The following FAM149A variants were observed in gnomAD, a reference collection of about 807,000 sequenced individuals.
FAM149A encodes the protein protein FAM149A.
In FAM149A, 71 loss-of-function variants were observed where a neutral mutation model predicts 78.2. The observed-to-expected ratio is 0.91, with a 90% CI of 0.75 to 1.11. FAM149A has a LOEUF of 1.11. FAM149A is among the 50% of genes least tolerant of loss of function. The pLI, the probability that FAM149A is intolerant of heterozygous loss-of-function variation, is 0.00. For synonymous variants in FAM149A, 446 were observed against 410.5 expected, an observed-to-expected ratio of 1.09 and a Z score of -1.04; for missense variants, 1,036 against 971.0, an observed-to-expected ratio of 1.07 and a Z score of -0.89.
In FAM149A at chr4:186,154,658, A is replaced by G; in HGVS notation, c.1229+20A>G. 6.3e-7 allele frequency: 1 copy of G among 1,595,670 alleles called. No homozygotes were observed. Among genetic ancestry groups the G allele is most frequent in the Non-Finnish European group, 8.6e-7 (1 of 1,167,526 alleles). ...AGAGGAGTAAATAGAATCTTATTTG[A>G]CATTGACCTCATAAAATAATATTAA... On this transcript the variant is annotated intron_variant, in intron 6 of 13. Transcript: ENST00000389354.
At chr4:186,125,376 A>T in intron 1 of FAM149A, 1 of 972,612 alleles carries the variant, frequency 1.0e-6, no homozygotes, top group Non-Finnish European at 1.2e-6. Flanking sequence ...AGGTCTCTTG[A>T]TGATAGCCAC....
intron 1 of FAM149A, among the ~76,000 whole-genome samples, chr4:186,148,653 G>C (rs1037468483): frequency 6.6e-5 from 10 of 152,166 alleles, no homozygotes; most frequent in African/African-American, 2.4e-4. Flanking sequence ...TGAAAACTCA[G>C]TATACCCACA....
chr4:186,156,058 G>T lies in FAM149A; in HGVS notation c.1288G>T (p.Gly430Ter), dbSNP rs950689691. Residue 430 changes from glycine (G) to a stop codon, truncating the protein, a stop_gained, in exon 7 of 14, where the codon GGA (glycine) becomes TGA (stop). Coordinates refer to ENST00000389354, the MANE Select transcript of FAM149A (RefSeq NM_001367768.3). LOFTEE classifies it high-confidence loss of function. ...GCCCGGTAGGAAATGGCGCAAACTC[G>T]GACTTCCTCCTGTTTCCCCGCGTGA... 1 of 1,613,846 alleles carries T rather than the reference G, an allele frequency of 6.2e-7. No homozygotes were observed. Among genetic ancestry groups the T allele is most frequent in the East Asian group, 2.2e-5 (1 of 44,870 alleles).
chr4:186,154,572 T>C lies in FAM149A; in HGVS notation c.1163T>C (p.Leu388Pro). The change falls in exon 6 of 14, where the codon CTG (leucine) becomes CCG (proline). Residue 388 changes from leucine to proline, a missense_variant. This residue lies in a region of FAM149A where 716 missense variants were observed against 711.8 expected (regional missense o/e 1.01). Transcript: ENST00000389354. ...GCTGACCTAACGGCACGTTCATCCC[T>C]GGAAGAAGAGGTTTACCATGTGGAT... is the stretch of plus-strand genomic sequence containing the variant. 1.9e-6 allele frequency: 3 copies of C among 1,614,164 alleles called. No individual in the cohort carries two copies. The highest frequency in any genetic ancestry group is 2.5e-6 in the Non-Finnish European group (3 of 1,180,016).
In FAM149A at chr4:186,154,651, T is replaced by C. The variant is rs768349657; in HGVS notation, c.1229+13T>C. ...ACAGAAAAGAGGAGTAAATAGAATC[T>C]TATTTGACATTGACCTCATAAAATA... is the stretch of plus-strand genomic sequence containing the variant. On this transcript the variant is annotated intron_variant, in intron 6 of 13. Coordinates refer to ENST00000389354, the MANE Select transcript of FAM149A (RefSeq NM_001367768.3). 1.4e-5 allele frequency: 23 copies of C among 1,606,134 alleles called. No homozygotes were observed. Among genetic ancestry groups the C allele is most frequent in the Non-Finnish European group, 2.0e-5 (23 of 1,173,772 alleles).
intron 3 of FAM149A, among the ~76,000 whole-genome samples, chr4:186,150,148 T>C (rs1733363856): frequency 6.6e-6 from 1 of 152,154 alleles, no homozygotes; most frequent in Non-Finnish European, 1.5e-5. Flanking sequence ...CTGTTGCCTC[T>C]GAACTGCTTT....
intron 1 of FAM149A, among the ~76,000 whole-genome samples, chr4:186,134,956 T>C (rs945821084): frequency 4.6e-5 from 7 of 152,296 alleles, no homozygotes; most frequent in Non-Finnish European, 1.0e-4. Flanking sequence ...GGGAATGCGT[T>C]GGGAGGACAG....
At chr4:186,129,149 GTGTC>G (rs1265691505) in intron 1 of FAM149A, among the ~76,000 whole-genome samples, 4 of 103,468 alleles carry the variant, frequency 3.9e-5, no homozygotes, top group Admixed American at 2.1e-4. Context: ...GTGTCTGTGT[GTGTC>G]TGTGCATGTG....
At chr4:186,106,776 T>C (rs1201644009) in intron 1 of FAM149A, among the ~76,000 whole-genome samples, 2 of 152,002 alleles carry the variant, frequency 1.3e-5, no homozygotes, top group Non-Finnish European at 2.9e-5. Context: ...TGAAACCCCG[T>C]CTCTACTAAA....
rs141900902 is a variant in FAM149A at position 186,130,314 on chromosome 4, T to TATATATATATATATATATAA, written c.567-18858_567-18857insTATATATATATATATATAAA. 3.4e-3 allele frequency among the ~76,000 whole-genome samples: 398 copies of TATATATATATATATATATAA among 116,412 alleles called. 7 individuals carry two copies. Among genetic ancestry groups the TATATATATATATATATATAA allele is most frequent in the Admixed American group, 7.1e-3 (76 of 10,722 alleles). 76.4% of individuals were successfully genotyped at this position (116,412 alleles called of 152,430 possible). ...CTCTCTATATATATATATATATATATAATCTATATCGACAGAACTAAAAGG... is the reference window on the plus strand; with the variant it reads ...CTCTCTATATATATATATATATATATATATATATATATATATATAAAATCTATATCGACAGAACTAAAAGG... On this transcript the variant is annotated intron_variant, in intron 1 of 13. Coordinates refer to ENST00000389354, the MANE Select transcript of FAM149A (RefSeq NM_001367768.3).
At chr4:186,158,140 T>C in intron 8 of FAM149A, 1 of 1,288,972 alleles carries the variant, frequency 7.8e-7, no homozygotes, top group Non-Finnish European at 1.0e-6. Flanking sequence ...CCAGGAACAC[T>C]GGCCGGCAGG....
rs1387576859 is a variant in FAM149A at position 186,104,997 on chromosome 4, C to G, written c.-80C>G. On this transcript the variant is annotated 5_prime_UTR_variant, in exon 1 of 14. Coordinates refer to ENST00000389354, the MANE Select transcript of FAM149A (RefSeq NM_001367768.3). The stretch of plus-strand genomic sequence containing the variant: ...GTGCGGGGACCTCAGGCTCCTCGCC[C>G]CGGCCCGGGCCGCCTCGGCCGGATC... The G allele has an allele frequency of 8.1e-7, 1 of 1,230,446 alleles. No homozygotes were observed. The allele number at this position is 1,230,446 out of a possible 1,614,324, so 76.2% of individuals were successfully genotyped here. A position where few individuals can be genotyped will look rare whatever the true frequency, so the allele number is the denominator to read the frequency against.
intron 7 of FAM149A, 84 bp from the exon 8 acceptor site, chr4:186,157,481 A>G: frequency 4.3e-6 from 6 of 1,408,254 alleles, no homozygotes; most frequent in Non-Finnish European, 5.9e-6. Flanking sequence ...TCAAGCACAC[A>G]TATTCTCTTT....
At chr4:186,168,675 G>A (rs1735266666) in intron 13 of FAM149A, among the ~76,000 whole-genome samples, 1 of 152,310 alleles carries the variant, frequency 6.6e-6, no homozygotes, top group East Asian at 1.9e-4. Flanking sequence ...CTTGTAACAC[G>A]ATTGTAGGTG....
chr4:186,156,466 G>A (rs1481657028), intron 7 of FAM149A, among the ~76,000 whole-genome samples: 1 of 152,130 alleles, frequency 6.6e-6, no homozygotes, highest in Non-Finnish European at 1.5e-5. Context: ...CTGAGGTCAG[G>A]AGTTCAAGAC....
rs138671971 is a variant in FAM149A, at chr4:186,135,074, C to T, written c.567-14099C>T. ...AATCCACATTCGCACTGCAGACTTGCTGCACCAGAGACCGGGGTGGGGCCC... is the reference window on the plus strand; with the variant it reads ...AATCCACATTCGCACTGCAGACTTGTTGCACCAGAGACCGGGGTGGGGCCC... On this transcript the variant is annotated intron_variant, in intron 1 of 13. Coordinates refer to ENST00000389354, the MANE Select transcript of FAM149A (RefSeq NM_001367768.3). 4.5e-4 allele frequency among the ~76,000 whole-genome samples: 68 copies of T among 152,278 alleles called. 1 individual carries two copies. In the East Asian group the frequency reaches 0.012, roughly 26 times the overall value.
chr4:186,123,913 G>A (rs2099317128), intron 1 of FAM149A: 3 of 982,162 alleles, frequency 3.1e-6, no homozygotes, highest in South Asian at 4.7e-5. Context: ...GTACAAAGCA[G>A]TGACAGTAGC....
At chr4:186,132,202 T>C in intron 1 of FAM149A, 4 of 985,454 alleles carry the variant, frequency 4.1e-6, no homozygotes, top group Non-Finnish European at 3.6e-6. Flanking sequence ...AAAGACCTGT[T>C]TTCTATATCT....
In FAM149A at chr4:186,167,015, C is replaced by T. The variant is rs754552414; in HGVS notation, c.2058C>T (p.Asp686=). Residue 686 remains aspartate, a synonymous_variant, in exon 12 of 14, where the codon GAC becomes GAT. Transcript: ENST00000389354. ...ACCGTGTGTTGAGTGCCATGCCTGA[C>T]GGTACAGAACGATCGCGTCTTCGAG... 7.0e-5 allele frequency: 113 copies of T among 1,613,882 alleles called. No individual in the cohort carries two copies. Among genetic ancestry groups the T allele is most frequent in the Admixed American group, 1.5e-4 (9 of 59,992 alleles).
Sources: gnomAD v4.1 joint callset for allele counts (sites outside exome capture counted in the v4.1 genomes callset) on GRCh38, gnomAD v4.1.1 for gene constraint, gnomAD v4.1.1 regional missense constraint, MANE v1.5 for transcripts, NCBI Gene and HGNC (gene_info 2026-07-23, HGNC 2026-07-21) for gene names.